Variants in SPIDR observed in about 807,000 individuals in gnomAD.
The protein encoded by SPIDR is scaffold protein involved in DNA repair, also known as DNA repair-scaffolding protein.
In SPIDR, 93 loss-of-function variants were observed where a neutral mutation model predicts 104.6. The ratio of observed to expected loss-of-function variants is 0.89; its 90% confidence interval spans 0.75 to 1.06. SPIDR has a LOEUF of 1.06. Among genes scored for constraint, SPIDR ranks in the 50% least tolerant of loss-of-function variants. The probability of loss-of-function intolerance (pLI) is 0.00; values close to 1 mark genes in which losing one functional copy is unlikely to be tolerated. For missense variants in SPIDR, 1,154 were observed against 1,111.2 expected, an observed-to-expected ratio of 1.04 and a Z score of -0.55; for synonymous variants, 431 against 416.9, an observed-to-expected ratio of 1.03 and a Z score of -0.41.
chr8:47,483,698 C>T (rs1250345935), intron 8 of SPIDR, among the ~76,000 whole-genome samples: 4 of 152,114 alleles, frequency 2.6e-5, no homozygotes, highest in Non-Finnish European at 5.9e-5. Context: ...GGGAGAAGAT[C>T]CCTTTATATT....
chr8:47,668,703 T>C (rs780204470), intron 10 of SPIDR, among the ~76,000 whole-genome samples: 1 of 152,042 alleles, frequency 6.6e-6, no homozygotes, highest in Non-Finnish European at 1.5e-5. Context: ...AGAAGCAAAA[T>C]TGGAATTATG....
intron 8 of SPIDR, among the ~76,000 whole-genome samples, chr8:47,522,997 A>G (rs1312312150): frequency 2.7e-5 from 4 of 150,926 alleles, no homozygotes; most frequent in Non-Finnish European, 5.9e-5. Context: ...TTATTTATTT[A>G]TTTTATTTTA....
chr8:47,593,869 G>C (rs2061347424), intron 8 of SPIDR, among the ~76,000 whole-genome samples: 1 of 152,156 alleles, frequency 6.6e-6, no homozygotes, highest in Admixed American at 6.5e-5. Flanking sequence ...CTTCTGCTGA[G>C]GGGTAGGAGG....
intron 8 of SPIDR, among the ~76,000 whole-genome samples, chr8:47,589,763 A>T (rs1468263185): frequency 6.6e-6 from 1 of 152,022 alleles, no homozygotes; most frequent in Non-Finnish European, 1.5e-5. Flanking sequence ...GGTAATTTGT[A>T]TCTTCTGCCT....
chr8:47,622,698 A>G (rs1443986137), intron 10 of SPIDR, among the ~76,000 whole-genome samples: 2 of 152,212 alleles, frequency 1.3e-5, no homozygotes, highest in East Asian at 3.9e-4. Flanking sequence ...AAACCCTTTC[A>G]TCCACCAGGA....
At chr8:47,296,874 G>A (rs2154242678) in intron 5 of SPIDR, among the ~76,000 whole-genome samples, 1 of 152,218 alleles carries the variant, frequency 6.6e-6, no homozygotes, top group Non-Finnish European at 1.5e-5. Context: ...CATGAATATG[G>A]ATAGCTTTCC....
chr8:47,701,238 GCCTGACCA>G (rs1206412137), intron 12 of SPIDR, among the ~76,000 whole-genome samples: 1 of 152,236 alleles, frequency 6.6e-6, no homozygotes, highest in East Asian at 1.9e-4. Context: ...TTCAAGATCA[GCCTGACCA>G]ACATGGAGAA....
chr8:47,261,383 A>G (rs1000846390), intron 1 of SPIDR, among the ~76,000 whole-genome samples: 2 of 152,086 alleles, frequency 1.3e-5, no homozygotes, highest in Non-Finnish European at 2.9e-5. Context: ...CGGATAATCC[A>G]CTGTCAACTC....
intron 5 of SPIDR, among the ~76,000 whole-genome samples, chr8:47,296,222 C>G (rs1448660443): frequency 6.6e-6 from 1 of 152,138 alleles, no homozygotes; most frequent in Non-Finnish European, 1.5e-5. Flanking sequence ...CAATCCATGG[C>G]ACATCTTTTG....
chr8:47,399,602 G>A (rs530613809), intron 6 of SPIDR, among the ~76,000 whole-genome samples: 11 of 152,278 alleles, frequency 7.2e-5, no homozygotes, highest in African/African-American at 2.6e-4. Flanking sequence ...AGGCCCTGTT[G>A]GGAAGTCGTG....
chr8:47,415,713 T>A (rs2064162960), intron 7 of SPIDR, among the ~76,000 whole-genome samples: 1 of 152,168 alleles, frequency 6.6e-6, no homozygotes, highest in East Asian at 1.9e-4. Flanking sequence ...GATCTTGGAC[T>A]TCCCAGCCTG....
chr8:47,310,775 T>C lies in SPIDR; in HGVS notation c.525+16745T>C, dbSNP rs1386313538. Among the ~76,000 whole-genome samples, 3 of 152,104 alleles carry C rather than the reference T, an allele frequency of 2.0e-5. No individual in the cohort carries two copies. The East Asian group carries it at 5.8e-4, about 29-fold the overall frequency. On this transcript the variant is annotated intron_variant, in intron 5 of 19. Coordinates refer to ENST00000297423, the MANE Select transcript of SPIDR (RefSeq NM_001080394.4). ...CATAAAAGTCTTAGGCTAAAATAAC[T>C]AAAGATATTTCATTTGCACAAGAAA...
chr8:47,735,944 T>G lies in SPIDR; in HGVS notation c.*494T>G. ...TTGCAGTTCACTACTTTTGGGAAAATGTTCTAGGGAACTGTATCACAGGTG... is the reference window on the plus strand; with the variant it reads ...TTGCAGTTCACTACTTTTGGGAAAAGGTTCTAGGGAACTGTATCACAGGTG... On this transcript the variant is annotated 3_prime_UTR_variant, in exon 20 of 20. Coordinates refer to ENST00000297423, the MANE Select transcript of SPIDR (RefSeq NM_001080394.4). 4.3e-6 allele frequency: 1 copy of G among 232,598 alleles called. No individual in the cohort carries two copies. The highest frequency in any genetic ancestry group is 8.6e-6 in the Non-Finnish European group (1 of 116,110). The allele number at this position is 232,598 out of a possible 1,614,324, so 14.4% of individuals were successfully genotyped here. A position where few individuals can be genotyped will look rare whatever the true frequency, so the allele number is the denominator to read the frequency against.
intron 11 of SPIDR, among the ~76,000 whole-genome samples, chr8:47,685,127 G>A (rs1414976504): frequency 2.6e-5 from 4 of 152,118 alleles, no homozygotes; most frequent in African/African-American, 7.2e-5. Flanking sequence ...CCGGAGAATC[G>A]CTTGAACCCT....
intron 1 of SPIDR, 31 bp from the exon 2 acceptor site, chr8:47,279,831 T>C: frequency 6.4e-7 from 1 of 1,574,120 alleles, no homozygotes; most frequent in East Asian, 2.3e-5. Flanking sequence ...TTTTTTTGTT[T>C]CGATTTTTCT....
chr8:47,540,921 G>A (rs1183906357), intron 8 of SPIDR, among the ~76,000 whole-genome samples: 4 of 152,110 alleles, frequency 2.6e-5, no homozygotes, highest in South Asian at 2.1e-4. Flanking sequence ...GTGCAGTGGC[G>A]CGGTCTCAGC....
chr8:47,673,790 G>T lies in SPIDR; in HGVS notation c.1545-11G>T, dbSNP rs189882805. 249 of 1,614,046 alleles carry T rather than the reference G, an allele frequency of 1.5e-4. 2 individuals are homozygous for T. In the East Asian group the frequency reaches 4.7e-3, roughly 30 times the overall value. ...GCCTCCTCAAAGACAAATGTGAATGGTTTTTTACAGAGCCTGCCTTCTGGT... is the reference window on the plus strand; with the variant it reads ...GCCTCCTCAAAGACAAATGTGAATGTTTTTTTACAGAGCCTGCCTTCTGGT... On this transcript the variant is annotated splice_polypyrimidine_tract_variant and intron_variant, in intron 10 of 19. Coordinates refer to ENST00000297423, the MANE Select transcript of SPIDR (RefSeq NM_001080394.4).
intron 5 of SPIDR, among the ~76,000 whole-genome samples, chr8:47,343,303 C>G (rs1441884523): frequency 1.3e-5 from 2 of 152,110 alleles, no homozygotes; most frequent in Non-Finnish European, 2.9e-5. Flanking sequence ...AGGGGAGAGA[C>G]TCGAGTCTCT....
At chr8:47,497,124 T>C (rs940219116) in intron 8 of SPIDR, among the ~76,000 whole-genome samples, 35 of 152,122 alleles carry the variant, frequency 2.3e-4, no homozygotes, top group Middle Eastern at 3.2e-3. Flanking sequence ...CCCTAGCTAA[T>C]AGTTTGTTGA....
Sources: gnomAD v4.1 joint callset for allele counts (sites outside exome capture counted in the v4.1 genomes callset) on GRCh38, gnomAD v4.1.1 for gene constraint, MANE v1.5 for transcripts, NCBI Gene and HGNC (gene_info 2026-07-23, HGNC 2026-07-21) for gene names.